KAT6B: variants seen among roughly 807,000 people sequenced by gnomAD.
KAT6B encodes lysine acetyltransferase 6B, also known as histone acetyltransferase KAT6B.
Under a neutral mutation model 187.5 loss-of-function variants are expected in KAT6B, and 10 were observed. The observed-to-expected ratio is 0.05, with a 90% CI of 0.03 to 0.09. The LOEUF is 0.09. Ranked by LOEUF, KAT6B falls within the 10% of genes least tolerant of loss-of-function variation. The pLI, the probability that KAT6B is intolerant of heterozygous loss-of-function variation, is 1.00. For missense variants in KAT6B, 1,952 were observed against 2,558.9 expected (o/e 0.76, Z 5.12); for synonymous variants, 861 against 926.8 (o/e 0.93, Z 1.29).
At chr10:74,974,309 A>G (rs190178692) in intron 7 of KAT6B, among the ~76,000 whole-genome samples, 1 of 152,330 alleles carries the variant, frequency 6.6e-6, no homozygotes, top group East Asian at 1.9e-4. Context: ...TGTATACAAG[A>G]TGATCACTAA....
intron 3 of KAT6B, among the ~76,000 whole-genome samples, chr10:74,953,609 T>C (rs140048395): frequency 6.6e-6 from 1 of 152,328 alleles, no homozygotes; most frequent in African/African-American, 2.4e-5. Context: ...TGGTATGTTT[T>C]TTTAAGCAGT....
intron 3 of KAT6B, among the ~76,000 whole-genome samples, chr10:74,861,377 C>A (rs1589495280): frequency 6.6e-6 from 1 of 152,180 alleles, no homozygotes; most frequent in Non-Finnish European, 1.5e-5. Context: ...GTGATCATCA[C>A]TTTTAGAGCA....
rs57372986 is a variant in KAT6B at position 75,025,234 on chromosome 10, G to T, written c.3649G>T (p.Ala1217Ser). The change falls in exon 17 of 18, where the codon GCT becomes TCT. Residue 1217 changes from alanine (A) to serine (S), a missense_variant. Physicochemically the swap from Ala to Ser is moderately conservative, Grantham distance 99. Coordinates refer to ENST00000287239, the MANE Select transcript of KAT6B (RefSeq NM_012330.4). ...AAAAGACAATCATTGCTTCAAGAAT[G>T]CTGACCCTTGTAGAAGTAAGTAGAG... ...EGKDNHCFKN[A>S]DPCRNNMNDD... 2,074 of 1,614,156 alleles carry T rather than the reference G, an allele frequency of 1.3e-3. 17 individuals are homozygous for T. The African/African-American group carries it at 0.022, about 17-fold the overall frequency.
intron 3 of KAT6B, among the ~76,000 whole-genome samples, chr10:74,888,812 C>T (rs781092154): frequency 6.6e-6 from 1 of 152,050 alleles, no homozygotes; most frequent in Non-Finnish European, 1.5e-5. Flanking sequence ...ATATAGAATG[C>T]GATACCTAAA....
Position 75,030,883 on chromosome 10 carries a change from C to G in KAT6B, c.6059C>G (p.Pro2020Arg). Residue 2020 changes from proline (P) to arginine (R), a missense_variant, in exon 18 of 18, where the codon CCT becomes CGT. By Grantham distance (103) the Pro-to-Arg change is moderately radical. Coordinates refer to ENST00000287239, the MANE Select transcript of KAT6B (RefSeq NM_012330.4). This position sits in a 1 kb window ranked among gnomAD's most constrained non-coding sequence, Gnocchi z 4.8. ...TATATGAATCAAACGCCCCAATACC[C>G]TATGCAGATGCAGATGGGCATGATG... Reference protein sequence around the residue: ...HGYMNQTPQYPMQMQMGMMGT... With the variant: ...HGYMNQTPQYRMQMQMGMMGT... The G allele has an allele frequency of 6.2e-7, 1 of 1,614,172 alleles. No homozygotes were observed. Among genetic ancestry groups the G allele is most frequent in the South Asian group, 1.1e-5 (1 of 91,086 alleles).
In KAT6B at chr10:74,842,894, A is replaced by T; in HGVS notation, c.37A>T (p.Ile13Phe). ...KLANPLYTEWILEAIQKIKKQ... is the reference protein window; with the variant it reads ...KLANPLYTEWFLEAIQKIKKQ... Reference sequence around the variant, plus strand: ...TGCAAACCCACTTTATACAGAGTGGATTCTTGAAGCTATACAGAAAATAAA... The same window carrying T: ...TGCAAACCCACTTTATACAGAGTGGTTTCTTGAAGCTATACAGAAAATAAA... Residue 13 changes from isoleucine (I) to phenylalanine (F), a missense_variant, in exon 3 of 18, where the codon ATT becomes TTT. Ile to Phe is a conservative substitution (Grantham distance 21). This residue lies in a region of KAT6B where 218 missense variants were observed against 282.6 expected (regional missense o/e 0.77). Coordinates refer to ENST00000287239, the MANE Select transcript of KAT6B (RefSeq NM_012330.4). The T allele has an allele frequency of 6.2e-7, 1 of 1,614,148 alleles. No homozygotes were observed. The highest frequency in any genetic ancestry group is 1.1e-5 in the South Asian group (1 of 91,080).
intron 13 of KAT6B, among the ~76,000 whole-genome samples, chr10:74,998,005 G>A (rs1291664846): frequency 6.6e-6 from 1 of 152,070 alleles, no homozygotes; most frequent in Non-Finnish European, 1.5e-5. Context: ...CCAGCTACTC[G>A]GGAGGCTAAG....
At chr10:74,979,921 G>A (rs190271093) in intron 10 of KAT6B, among the ~76,000 whole-genome samples, 2 of 152,230 alleles carry the variant, frequency 1.3e-5, no homozygotes, top group Non-Finnish European at 2.9e-5. Context: ...CACTTTGGGA[G>A]GCCAAGGTGG....
intron 3 of KAT6B, among the ~76,000 whole-genome samples, chr10:74,867,601 G>A (rs892366916): frequency 2.0e-5 from 3 of 152,178 alleles, no homozygotes; most frequent in Non-Finnish European, 4.4e-5. Context: ...TTGACATGAG[G>A]GACACGAGGA....
intron 3 of KAT6B, among the ~76,000 whole-genome samples, chr10:74,919,787 C>T (rs1358389797): frequency 6.6e-6 from 1 of 152,116 alleles, no homozygotes; most frequent in Non-Finnish European, 1.5e-5. Context: ...TGCCTTTACC[C>T]TCTTTTGTGT....
intron 3 of KAT6B, among the ~76,000 whole-genome samples, chr10:74,952,846 A>ATTTTTTT (rs34687036): frequency 7.4e-3 from 669 of 90,406 alleles, no homozygotes; most frequent in African/African-American, 0.02. Context: ...TGCCTGGCTA[A>ATTTTTTT]TTTTTTTTTT....
At chr10:74,850,187 C>T (rs1842388575) in intron 3 of KAT6B, among the ~76,000 whole-genome samples, 1 of 152,150 alleles carries the variant, frequency 6.6e-6, no homozygotes, top group South Asian at 2.1e-4. Context: ...ATCCACCTGC[C>T]TCGGCCTGTG....
chr10:74,979,089 G>C, intron 9 of KAT6B, 135 bp from the exon 10 acceptor site: 1 of 668,878 alleles, frequency 1.5e-6, no homozygotes, highest in Non-Finnish European at 2.7e-6. Context: ...AGGGTCTATA[G>C]TGTTTTAAGG....
intron 13 of KAT6B, among the ~76,000 whole-genome samples, chr10:75,019,835 G>A (rs946819077): frequency 1.3e-5 from 2 of 149,932 alleles, no homozygotes; most frequent in South Asian, 2.1e-4. Flanking sequence ...TGTAAAATGC[G>A]TTCAAAAGCT....
At chr10:74,840,583 T>C (rs1841674227) in intron 2 of KAT6B, among the ~76,000 whole-genome samples, 1 of 152,200 alleles carries the variant, frequency 6.6e-6, no homozygotes, top group Non-Finnish European at 1.5e-5. Context: ...TGACAAATTA[T>C]CAATCACTGG....
chr10:74,955,544 C>G (rs1043241550), intron 3 of KAT6B, among the ~76,000 whole-genome samples: 3 of 152,016 alleles, frequency 2.0e-5, no homozygotes, highest in Admixed American at 1.3e-4. Context: ...TACTCTCTCT[C>G]TCTGTGCACA....
At chr10:74,886,171 G>A (rs904716963) in intron 3 of KAT6B, among the ~76,000 whole-genome samples, 5 of 152,212 alleles carry the variant, frequency 3.3e-5, no homozygotes, top group Non-Finnish European at 7.3e-5. Flanking sequence ...GTTTACATCA[G>A]GGGAACATTA....
intron 9 of KAT6B, 93 bp downstream of exon 9, chr10:74,977,530 C>T (rs1170130032): frequency 2.8e-6 from 4 of 1,429,480 alleles, no homozygotes; most frequent in South Asian, 2.3e-5. Context: ...TAGAGAATCC[C>T]TTTCAACATC....
Position 74,858,106 on chromosome 10 carries a change from C to A in KAT6B, c.621+14628C>A, listed in dbSNP as rs1416175878. ...GTAATGCTAGCTGAAGGCCGGGGGT[C>A]AAGAGGCCTGAGTTTTGAGTCTCAT... On this transcript the variant is annotated intron_variant, in intron 3 of 17. Transcript: ENST00000287239. 3.3e-5 allele frequency among the ~76,000 whole-genome samples: 5 copies of A among 152,012 alleles called. No individual in the cohort carries two copies. The East Asian group carries it at 7.7e-4, about 23-fold the overall frequency.
Sources: allele counts gnomAD v4.1 joint callset (sites outside exome capture counted in the v4.1 genomes callset), GRCh38; gene constraint gnomAD v4.1.1; regional missense constraint gnomAD v4.1.1; non-coding constraint Gnocchi (gnomAD v3.1); transcripts MANE v1.5; gene names NCBI Gene and HGNC (gene_info 2026-07-23, HGNC 2026-07-21).